DPP3: variants seen among roughly 807,000 people sequenced by gnomAD.
DPP3 encodes DPP III.
Under a neutral mutation model 89.8 loss-of-function variants are expected in DPP3, and 64 were observed. That is an observed-to-expected ratio of 0.71 (90% CI 0.58 to 0.88). The LOEUF (loss-of-function observed/expected upper bound fraction) is 0.88. Ranked by LOEUF, DPP3 falls within the 40% of genes least tolerant of loss-of-function variation. The pLI is 0.00. For missense variants in DPP3, 835 were observed against 972.5 expected, an observed-to-expected ratio of 0.86 and a Z score of 1.88; for synonymous variants, 377 against 404.3, an observed-to-expected ratio of 0.93 and a Z score of 0.81.
intron 15 of DPP3, among the ~76,000 whole-genome samples, chr11:66,497,026 A>G (rs1338355882): frequency 6.6e-6 from 1 of 152,102 alleles, no homozygotes; most frequent in Non-Finnish European, 1.5e-5. Context: ...TGACATGGGG[A>G]GCATGGGCAC....
intron 2 of DPP3, among the ~76,000 whole-genome samples, chr11:66,484,398 G>C (rs1393090580): frequency 6.6e-6 from 1 of 152,140 alleles, no homozygotes; most frequent in Non-Finnish European, 1.5e-5. Context: ...TTCAGGCATG[G>C]CTGGACTCGG....
chr11:66,487,402 C>A, intron 5 of DPP3, 60 bp downstream of exon 5: 1 of 1,553,046 alleles, frequency 6.4e-7, no homozygotes, highest in South Asian at 1.1e-5. Context: ...GTCCCAGCCC[C>A]CTCACAACTG....
At position 66,509,275 on chromosome 11, in the gene DPP3, A is replaced by C. The variant is rs1855885675; in HGVS notation, c.*24A>C. 6.3e-7 allele frequency: 1 copy of C among 1,588,080 alleles called. No individual in the cohort carries two copies. The highest frequency in any genetic ancestry group is 1.1e-5 in the South Asian group (1 of 88,608). On this transcript the variant is annotated 3_prime_UTR_variant, in exon 18 of 18. Coordinates refer to ENST00000531863, the MANE Select transcript of DPP3 (RefSeq NM_130443.4). ...GAGGAAGATGTGTGGCCTTGCCCCC[A>C]ATTCCATCAGACCAAGGCTGCAAGT...
intron 16 of DPP3, among the ~76,000 whole-genome samples, chr11:66,499,593 AG>A (rs1855629498): frequency 6.6e-6 from 1 of 151,366 alleles, no homozygotes; most frequent in Non-Finnish European, 1.5e-5. Flanking sequence ...AACATGGTGA[AG>A]CCCTATCTCT....
chr11:66,480,615 C>T (rs1024898713), intron 1 of DPP3, 150 bp downstream of exon 1: 1 of 923,858 alleles, frequency 1.1e-6, no homozygotes, highest in African/African-American at 1.7e-5. Flanking sequence ...AGGAGTGCTC[C>T]GGGGAGCAAA....
At chr11:66,496,728 T>C (rs1855549628) in intron 15 of DPP3, among the ~76,000 whole-genome samples, 2 of 152,094 alleles carry the variant, frequency 1.3e-5, no homozygotes. Flanking sequence ...ATAGAAACTT[T>C]TTGACAAAAT....
chr11:66,482,998 T>TA (rs1855127388), intron 2 of DPP3: 1 of 154,048 alleles, frequency 6.5e-6, no homozygotes, highest in Non-Finnish European at 1.4e-5. Flanking sequence ...CTGAGGCTGA[T>TA]ACAGCCTTTT....
chr11:66,492,646 G>A, intron 9 of DPP3, 70 bp from the exon 10 acceptor site: 1 of 1,506,962 alleles, frequency 6.6e-7, no homozygotes, highest in Non-Finnish European at 8.9e-7. Context: ...CATGCGTGAT[G>A]GCTGGAGTAG....
intron 11 of DPP3, 114 bp from the exon 12 acceptor site, chr11:66,493,427 C>A: frequency 8.9e-7 from 1 of 1,128,548 alleles, no homozygotes; most frequent in Non-Finnish European, 1.3e-6. Context: ...GCACAGTTGG[C>A]CTTTACCAAG....
At chr11:66,482,028 T>C in intron 1 of DPP3, 165 bp from the exon 2 acceptor site, 2 of 1,023,226 alleles carry the variant, frequency 2.0e-6, no homozygotes, top group Non-Finnish European at 1.4e-6. Context: ...GGGTGAGTCA[T>C]CTCACCTTCT....
intron 9 of DPP3, 75 bp from the exon 10 acceptor site, chr11:66,492,641 G>T: frequency 6.7e-7 from 1 of 1,497,386 alleles, no homozygotes. Context: ...CAGTACATGC[G>T]TGATGGCTGG....
rs118008497 is a variant in DPP3, at chr11:66,507,645, G to A, written c.2042-1434G>A. 6.8e-3 allele frequency among the ~76,000 whole-genome samples: 1,037 copies of A among 151,802 alleles called. 58 individuals carry two copies. The East Asian group carries it at 0.14, about 20-fold the overall frequency. Reference sequence around the variant, plus strand: ...TGGTTCCCACTAGATCTGAAGAACAGGTTGGATTTTCAAAGGTTGTGATGG... The same window carrying A: ...TGGTTCCCACTAGATCTGAAGAACAAGTTGGATTTTCAAAGGTTGTGATGG... On this transcript the variant is annotated intron_variant, in intron 17 of 17. Transcript: ENST00000531863.
chr11:66,493,095 TA>T lies in DPP3; in HGVS notation c.1214del (p.Lys405ArgfsTer72). On this transcript the variant is annotated frameshift_variant, in exon 11 of 18. Transcript: ENST00000531863. LOFTEE classifies it high-confidence loss of function. ...YDDLRQTEGFKNVSLGNVLAV... is the reference protein window; with the variant it reads ...YDDLRQTEGFXNVSLGNVLAV... ...ATGATCTGAGGCAGACGGAAGGCTT[TA>T]AGAACGTGTCGCTGGGGAATGTGCT... The T allele has an allele frequency of 6.2e-7, 1 of 1,614,200 alleles. No individual in the cohort carries two copies. The highest frequency in any genetic ancestry group is 8.5e-7 in the Non-Finnish European group (1 of 1,180,050).
intron 17 of DPP3, among the ~76,000 whole-genome samples, chr11:66,506,402 G>A (rs922552927): frequency 2.0e-5 from 3 of 151,226 alleles, no homozygotes; most frequent in Non-Finnish European, 4.4e-5. Context: ...TTACAGGCGC[G>A]TGCCGCCATG....
chr11:66,499,428 CCA>C (rs1855626026), intron 16 of DPP3, among the ~76,000 whole-genome samples: 1 of 151,976 alleles, frequency 6.6e-6, no homozygotes, highest in African/African-American at 2.4e-5. Flanking sequence ...CCCCGCTTAT[CCA>C]CAGTTTTGCT....
At chr11:66,480,919 G>A (rs1033383531) in intron 1 of DPP3, 2 of 160,890 alleles carry the variant, frequency 1.2e-5, no homozygotes, top group Non-Finnish European at 2.7e-5. Flanking sequence ...GAGGGCCAAG[G>A]AAAAGGCATT....
chr11:66,504,928 C>A (rs908096999), intron 17 of DPP3, 154 bp downstream of exon 17: 4 of 725,774 alleles, frequency 5.5e-6, no homozygotes, highest in Non-Finnish European at 6.1e-6. Flanking sequence ...CCATGCCAAA[C>A]CTCAGGCCCT....
At chr11:66,488,083 T>G in intron 6 of DPP3, 76 bp downstream of exon 6, 3 of 1,262,212 alleles carry the variant, frequency 2.4e-6, no homozygotes, top group Non-Finnish European at 2.2e-6. Context: ...TCCTACCAAC[T>G]CTGCCACTCC....
At chr11:66,488,972 TCTC>T (rs1020945654) in intron 6 of DPP3, among the ~76,000 whole-genome samples, 2 of 152,130 alleles carry the variant, frequency 1.3e-5, no homozygotes, top group Admixed American at 6.6e-5. Context: ...TTCAAGCAAT[TCTC>T]CTGCCTCAGC....
Sources: gnomAD v4.1 joint callset for allele counts (sites outside exome capture counted in the v4.1 genomes callset) on GRCh38, gnomAD v4.1.1 for gene constraint, MANE v1.5 for transcripts, NCBI Gene and HGNC (gene_info 2026-07-23, HGNC 2026-07-21) for gene names.